The following CPED1 variants were observed in gnomAD, a reference collection of about 807,000 sequenced individuals.
CPED1 encodes cadherin like and PC-esterase domain containing 1.
CPED1 carries 114 observed loss-of-function variants against 128.2 expected under a neutral mutation model. The observed-to-expected ratio is 0.89, with a 90% CI of 0.76 to 1.04. CPED1 has a LOEUF of 1.04. CPED1 is among the 50% of genes least tolerant of loss of function. CPED1 has a pLI of 0.00. For missense variants in CPED1, 1,211 were observed against 1,207.1 expected (o/e 1.00, Z -0.05); for synonymous variants, 462 against 426.7 (o/e 1.08, Z -1.02).
At chr7:121,088,442 G>A (rs1241970331) in intron 5 of CPED1, among the ~76,000 whole-genome samples, 2 of 151,898 alleles carry the variant, frequency 1.3e-5, no homozygotes, top group Admixed American at 6.6e-5. Context: ...GGCAGATCAC[G>A]ATGTCAAGAG....
chr7:121,191,772 A>G (rs2116531215), intron 16 of CPED1, among the ~76,000 whole-genome samples: 1 of 152,238 alleles, frequency 6.6e-6, no homozygotes, highest in East Asian at 1.9e-4. Flanking sequence ...GAAAGATGGT[A>G]GAAAGAAAAA....
intron 18 of CPED1, among the ~76,000 whole-genome samples, chr7:121,265,818 C>T (rs557963686): frequency 4.2e-4 from 64 of 150,758 alleles, no homozygotes; most frequent in African/African-American, 1.5e-3. Context: ...ATTGAGCTAC[C>T]TCTGTGAATT....
chr7:121,187,954 T>C (rs1483666807), intron 16 of CPED1, among the ~76,000 whole-genome samples: 1 of 152,184 alleles, frequency 6.6e-6, no homozygotes, highest in African/African-American at 2.4e-5. Flanking sequence ...AAATGTAATG[T>C]TCATGTTTTG....
chr7:121,021,444 A>G (rs1349291867), intron 3 of CPED1, among the ~76,000 whole-genome samples: 1 of 151,958 alleles, frequency 6.6e-6, no homozygotes. Context: ...ATAGAAAAGA[A>G]ACATCCACGA....
chr7:121,257,563 A>G (rs1791914537), intron 18 of CPED1, among the ~76,000 whole-genome samples: 2 of 152,042 alleles, frequency 1.3e-5, no homozygotes, highest in South Asian at 4.1e-4. Context: ...TCAGGTGTAT[A>G]CACTCATATT....
chr7:121,158,720 C>A (rs980307349), intron 16 of CPED1, among the ~76,000 whole-genome samples: 2 of 151,956 alleles, frequency 1.3e-5, no homozygotes, highest in Non-Finnish European at 2.9e-5. Context: ...AACCATCTAG[C>A]CCTTAAAAAG....
intron 10 of CPED1, 42 bp downstream of exon 10, chr7:121,127,299 A>G (rs762108022): frequency 7.9e-7 from 1 of 1,270,728 alleles, no homozygotes; most frequent in Non-Finnish European, 1.1e-6. Flanking sequence ...TTTTCAAGTC[A>G]TTCCTTAGAA....
intron 13 of CPED1, 136 bp downstream of exon 13, chr7:121,134,029 G>C: frequency 1.7e-6 from 1 of 592,864 alleles, no homozygotes; most frequent in Non-Finnish European, 3.0e-6. Flanking sequence ...CTTAAATTTG[G>C]AAAGGATTTT....
chr7:121,097,033 G>A (rs1794717822), intron 5 of CPED1, among the ~76,000 whole-genome samples: 1 of 152,144 alleles, frequency 6.6e-6, no homozygotes, highest in Non-Finnish European at 1.5e-5. Context: ...AGAGGTTCTA[G>A]ATAGAAGTGA....
At chr7:121,047,647 T>TCTTCC (rs1437102895) in intron 4 of CPED1, among the ~76,000 whole-genome samples, 69 of 1,478 alleles carry the variant, frequency 0.047, 3 homozygotes, top group Middle Eastern at 0.25. Context: ...GATAGCACCT[T>TCTTCC]TCTTCTTCTT....
chr7:121,244,447 AAACT>A (rs1667210552), intron 18 of CPED1, 109 bp downstream of exon 18: 3 of 1,118,084 alleles, frequency 2.7e-6, no homozygotes, highest in Non-Finnish European at 3.9e-6. Context: ...CAGCAGAGGA[AAACT>A]AACTGAATGC....
At chr7:121,007,799 G>A (rs1253360893) in intron 2 of CPED1, among the ~76,000 whole-genome samples, 1 of 151,806 alleles carries the variant, frequency 6.6e-6, no homozygotes, top group African/African-American at 2.4e-5. Context: ...TCCTGTTGCT[G>A]CTTCTCTTTG....
At chr7:121,115,560 T>C (rs1352875646) in intron 7 of CPED1, among the ~76,000 whole-genome samples, 1 of 152,168 alleles carries the variant, frequency 6.6e-6, no homozygotes, top group Non-Finnish European at 1.5e-5. Flanking sequence ...GAAAACATTT[T>C]CCCTTTTTAC....
intron 16 of CPED1, among the ~76,000 whole-genome samples, chr7:121,204,511 G>A (rs141248151): frequency 1.9e-4 from 29 of 152,228 alleles, no homozygotes; most frequent in Middle Eastern, 3.4e-3. Context: ...TGAAAATTAG[G>A]TGCCCTACCT....
intron 18 of CPED1, among the ~76,000 whole-genome samples, chr7:121,258,455 G>A (rs1473238746): frequency 6.6e-6 from 1 of 152,148 alleles, no homozygotes; most frequent in African/African-American, 2.4e-5. Flanking sequence ...TGCCTAGGCA[G>A]AGTGGTGTTT....
At chr7:121,045,128 A>G (rs1345638922) in intron 3 of CPED1, among the ~76,000 whole-genome samples, 1 of 152,206 alleles carries the variant, frequency 6.6e-6, no homozygotes, top group Non-Finnish European at 1.5e-5. Flanking sequence ...GGTTTTGTCT[A>G]TAGGAATCTA....
At chr7:121,138,578 G>T (rs922980903) in intron 14 of CPED1, among the ~76,000 whole-genome samples, 2 of 151,972 alleles carry the variant, frequency 1.3e-5, no homozygotes, top group African/African-American at 4.8e-5. Context: ...TGTCATCTAG[G>T]GCTGTTTCAG....
At chr7:121,050,410 A>G (rs1207641782) in intron 4 of CPED1, 1 of 156,508 alleles carries the variant, frequency 6.4e-6, no homozygotes, top group African/African-American at 2.4e-5. Flanking sequence ...GCTAATGAGG[A>G]CAAATGAGGT....
In CPED1 at chr7:121,274,327, A is replaced by G. The variant is rs144487263; in HGVS notation, c.2868+2897A>G. Among the ~76,000 whole-genome samples, 147 of 152,286 alleles carry G rather than the reference A, an allele frequency of 9.7e-4. 1 individual carries two copies. The highest frequency in any genetic ancestry group is 3.4e-3 in the African/African-American group (141 of 41,584). ...TTATTACTGATTAAAATTATCATTA[A>G]CTTGCATAGTAACAATGCTTCAAGC... On this transcript the variant is annotated intron_variant, in intron 22 of 22. Transcript: ENST00000310396.
Sources: gnomAD v4.1 joint callset for allele counts (sites outside exome capture counted in the v4.1 genomes callset) on GRCh38, gnomAD v4.1.1 for gene constraint, MANE v1.5 for transcripts, NCBI Gene and HGNC (gene_info 2026-07-23, HGNC 2026-07-21) for gene names.